AHCYL2: variants seen among roughly 807,000 people sequenced by gnomAD.
The protein encoded by AHCYL2 is adenosylhomocysteinase like 2.
AHCYL2 carries 28 observed loss-of-function variants against 81.4 expected under a neutral mutation model. That is an observed-to-expected ratio of 0.34 (90% CI 0.25 to 0.47). AHCYL2 has a LOEUF of 0.47. AHCYL2 is among the 20% of genes least tolerant of loss of function. AHCYL2 has a pLI of 1.00. For missense variants in AHCYL2, 551 were observed against 785.1 expected (o/e 0.70, Z 3.56); for synonymous variants, 272 against 290.2 (o/e 0.94, Z 0.64).
chr7:129,300,282 C>G (rs532952421), intron 1 of AHCYL2, among the ~76,000 whole-genome samples: 236 of 152,260 alleles, frequency 1.5e-3, no homozygotes, highest in South Asian at 5.8e-3. Context: ...CCGCCTCCCC[C>G]CCAGCCTCCT....
In AHCYL2 at chr7:129,231,373, C is replaced by A. The variant is rs77039829; in HGVS notation, c.363+5934C>A. ...TCAGTATCCAGTTAATTGAAGAAAT[C>A]GATAGTTCATTAAAAAGGGAGAGTG... On this transcript the variant is annotated intron_variant, in intron 1 of 16. Transcript: ENST00000325006. 2.9e-3 allele frequency among the ~76,000 whole-genome samples: 441 copies of A among 152,134 alleles called. 4 individuals are homozygous for A. The highest frequency in any genetic ancestry group is 0.01 in the African/African-American group (416 of 41,484).
chr7:129,299,935 A>G (rs1229148249), intron 1 of AHCYL2, among the ~76,000 whole-genome samples: 1 of 152,204 alleles, frequency 6.6e-6, no homozygotes. Flanking sequence ...TCTTTTTAAA[A>G]TTTTTGAGAC....
chr7:129,225,155 G>A lies in AHCYL2; in HGVS notation c.79G>A (p.Ala27Thr), dbSNP rs1034932542. The change falls in exon 1 of 17, where the codon GCG (alanine) becomes ACG (threonine). Residue 27 changes from alanine to threonine, a missense_variant. By Grantham distance (58) the Ala-to-Thr change is moderately conservative. Coordinates refer to ENST00000325006, the MANE Select transcript of AHCYL2 (RefSeq NM_015328.4). ...VELKDLSPSE[A>T]ESQLGLSTAA... ...GCTGAAGGACCTGAGCCCCTCCGAG[G>A]CGGAGTCGCAACTAGGACTGAGCAC... The A allele has an allele frequency of 6.9e-6, 11 of 1,599,292 alleles. No individual in the cohort carries two copies. The highest frequency in any genetic ancestry group is 9.4e-6 in the Non-Finnish European group (11 of 1,174,938).
intron 1 of AHCYL2, among the ~76,000 whole-genome samples, chr7:129,358,404 A>C (rs1008637599): frequency 1.3e-5 from 2 of 152,038 alleles, no homozygotes; most frequent in African/African-American, 4.8e-5. Context: ...ACACACACAA[A>C]AAAAAAAACA....
At chr7:129,330,525 C>T (rs1355027009) in intron 1 of AHCYL2, among the ~76,000 whole-genome samples, 2 of 146,236 alleles carry the variant, frequency 1.4e-5, no homozygotes, top group East Asian at 4.1e-4. Flanking sequence ...GGCTGGAGTG[C>T]AGTGTCGCCA....
At chr7:129,278,509 A>G (rs1175038389) in intron 1 of AHCYL2, among the ~76,000 whole-genome samples, 2 of 151,772 alleles carry the variant, frequency 1.3e-5, no homozygotes, top group African/African-American at 4.8e-5. Context: ...TCTGTGGCTT[A>G]TTTTTTTTAT....
intron 1 of AHCYL2, among the ~76,000 whole-genome samples, chr7:129,367,061 A>C (rs968588448): frequency 2.9e-4 from 44 of 152,172 alleles, no homozygotes; most frequent in Non-Finnish European, 1.0e-4. Context: ...TGGCCTCTTC[A>C]AAGTAGGCAA....
chr7:129,282,650 C>T (rs1796485732), intron 1 of AHCYL2, among the ~76,000 whole-genome samples: 2 of 152,010 alleles, frequency 1.3e-5, no homozygotes, highest in Admixed American at 1.3e-4. Context: ...ACATATATGT[C>T]AATTTTGTTA....
chr7:129,382,644 G>A (rs905548459), intron 2 of AHCYL2, among the ~76,000 whole-genome samples: 1 of 151,736 alleles, frequency 6.6e-6, no homozygotes, highest in African/African-American at 2.4e-5. Context: ...GTTGGCTCAC[G>A]CCTATAATCC....
chr7:129,405,239 A>T, intron 8 of AHCYL2, 26 bp downstream of exon 8: 1 of 1,536,298 alleles, frequency 6.5e-7, no homozygotes, highest in Non-Finnish European at 8.9e-7. Context: ...TTTGAGATGA[A>T]GTTGTGATGT....
chr7:129,349,651 CA>C (rs34969591), intron 1 of AHCYL2, among the ~76,000 whole-genome samples: 3,711 of 85,998 alleles, frequency 0.043, 34 homozygotes, highest in Admixed American at 0.075. Flanking sequence ...GACTCTGTTT[CA>C]AAAAAAAAAA....
intron 1 of AHCYL2, among the ~76,000 whole-genome samples, chr7:129,240,186 G>T (rs1373685883): frequency 6.6e-6 from 1 of 151,834 alleles, no homozygotes; most frequent in Non-Finnish European, 1.5e-5. Context: ...TTGCACTCCA[G>T]CCTGGGCAAC....
intron 1 of AHCYL2, among the ~76,000 whole-genome samples, chr7:129,226,170 T>C (rs1189318473): frequency 1.3e-5 from 2 of 152,212 alleles, no homozygotes; most frequent in Non-Finnish European, 2.9e-5. Flanking sequence ...CTGAAAGTGA[T>C]AGGAAGAAAT....
intron 1 of AHCYL2, among the ~76,000 whole-genome samples, chr7:129,267,235 G>GTGTGTGTATA (rs146496100): frequency 7.4e-6 from 1 of 135,606 alleles, no homozygotes; most frequent in East Asian, 2.3e-4. Context: ...CAAGGGGTGT[G>GTGTGTGTATA]TGTGTGTGTG....
chr7:129,335,554 C>T (rs1367561714), intron 1 of AHCYL2, among the ~76,000 whole-genome samples: 1 of 152,130 alleles, frequency 6.6e-6, no homozygotes, highest in African/African-American at 2.4e-5. Context: ...GGGAATGGCT[C>T]AGCTGGATAA....
intron 1 of AHCYL2, among the ~76,000 whole-genome samples, chr7:129,356,741 T>C (rs893637062): frequency 3.3e-5 from 5 of 152,174 alleles, no homozygotes; most frequent in Non-Finnish European, 7.3e-5. Context: ...GATCCTTAGT[T>C]CATGTTGATT....
chr7:129,397,750 T>A (rs927092488), intron 5 of AHCYL2, among the ~76,000 whole-genome samples: 18 of 152,238 alleles, frequency 1.2e-4, no homozygotes, highest in African/African-American at 4.3e-4. Flanking sequence ...AGACTTGACC[T>A]GGCAGATTAA....
intron 1 of AHCYL2, among the ~76,000 whole-genome samples, chr7:129,310,431 A>G (rs967892099): frequency 3.3e-5 from 5 of 152,164 alleles, no homozygotes; most frequent in South Asian, 2.1e-4. Context: ...ATGGACCCCA[A>G]TGGACATCAA....
rs578220002 is a variant in AHCYL2, at chr7:129,426,861, C to A, written c.1830-178C>A. Among the ~76,000 whole-genome samples the A allele has an allele frequency of 6.6e-6, 1 of 151,916 alleles. No homozygotes were observed. Among genetic ancestry groups the A allele is most frequent in the African/African-American group, 2.4e-5 (1 of 41,374 alleles). ...CATCTTGTTGCTATGATTTTTATCT[C>A]TTTATGGAGAAATATTGGCCTTTTT... On this transcript the variant is annotated intron_variant, in intron 16 of 16. Coordinates refer to ENST00000325006, the MANE Select transcript of AHCYL2 (RefSeq NM_015328.4). The surrounding 1 kb of genome is among the most constrained non-coding windows in gnomAD (Gnocchi z 4.3).
Sources: allele counts gnomAD v4.1 joint callset (sites outside exome capture counted in the v4.1 genomes callset), GRCh38; gene constraint gnomAD v4.1.1; non-coding constraint Gnocchi (gnomAD v3.1); transcripts MANE v1.5; gene names NCBI Gene and HGNC (gene_info 2026-07-23, HGNC 2026-07-21).